FUBP3: variants seen among roughly 807,000 people sequenced by gnomAD.
The protein encoded by FUBP3 is far upstream element-binding protein 3.
In FUBP3, 28 loss-of-function variants were observed where a neutral mutation model predicts 85.6. The ratio of observed to expected loss-of-function variants is 0.33; its 90% CI spans 0.24 to 0.45. The LOEUF (loss-of-function observed/expected upper bound fraction) is 0.45. Among genes scored for constraint, FUBP3 ranks in the 20% least tolerant of loss-of-function variants. The pLI is 1.00. For synonymous variants in FUBP3, 271 were observed against 271.4 expected (o/e 1.00, Z 0.01); for missense variants, 583 against 755.1 (o/e 0.77, Z 2.67).
At chr9:130,629,717 G>A (rs1412515303) in intron 12 of FUBP3, among the ~76,000 whole-genome samples, 5 of 152,174 alleles carry the variant, frequency 3.3e-5, no homozygotes, top group African/African-American at 1.2e-4. Flanking sequence ...CCCGGTCTTT[G>A]CTTTTGATCA....
At chr9:130,620,540 G>C in intron 9 of FUBP3, 82 bp downstream of exon 9, 1 of 639,694 alleles carries the variant, frequency 1.6e-6, no homozygotes. Context: ...CTTTAACCCT[G>C]AGCAAGTTAG....
rs1830449699 is a variant in FUBP3, at chr9:130,637,156, T to A, written c.*134T>A. ...GTTCTGTGAAACACTATATTTAGAT[T>A]AACGGAATTTTTCTAAAAATCAGGA... On this transcript the variant is annotated 3_prime_UTR_variant, in exon 19 of 19. Transcript: ENST00000319725. The A allele has an allele frequency of 1.4e-6, 1 of 712,682 alleles. No individual in the cohort carries two copies. The highest frequency in any genetic ancestry group is 1.6e-5 in the South Asian group (1 of 61,108). The allele number at this position is 712,682 out of a possible 1,614,324, so 44.1% of individuals were successfully genotyped here. A position where few individuals can be genotyped will look rare whatever the true frequency, so the allele number is the denominator to read the frequency against.
chr9:130,584,758 A>G (rs1830274007), intron 1 of FUBP3, among the ~76,000 whole-genome samples: 1 of 151,984 alleles, frequency 6.6e-6, no homozygotes, highest in Non-Finnish European at 1.5e-5. Flanking sequence ...AATCCCAGCT[A>G]CTCTGGAGGC....
At chr9:130,624,665 C>T (rs1829896865) in intron 11 of FUBP3, among the ~76,000 whole-genome samples, 2 of 147,778 alleles carry the variant, frequency 1.4e-5, no homozygotes, top group African/African-American at 5.0e-5. Flanking sequence ...TTAAGCTCAT[C>T]AGCTATCATT....
At chr9:130,629,448 C>T (rs1032791878) in intron 12 of FUBP3, among the ~76,000 whole-genome samples, 1 of 152,264 alleles carries the variant, frequency 6.6e-6, no homozygotes, top group Non-Finnish European at 1.5e-5. Flanking sequence ...GTAAGGGCAG[C>T]CCCTGCTGCC....
chr9:130,631,488 G>T, intron 13 of FUBP3, 69 bp from the exon 14 acceptor site: 1 of 1,459,800 alleles, frequency 6.9e-7, no homozygotes, highest in Non-Finnish European at 9.6e-7. Flanking sequence ...TTTGCCTCGG[G>T]GTGGGCCTGG....
rs1456228434 is a variant in FUBP3, at chr9:130,624,653, T to TGTGTG, written c.975+942_975+943insGTGTG. On this transcript the variant is annotated intron_variant, in intron 11 of 18. Transcript: ENST00000319725. ...TGTGTGTGTGTGTGTGTGTGTGTGT[T>TGTGTG]TTTAAGCTCATCAGCTATCATTAAT... Among the ~76,000 whole-genome samples the TGTGTG allele has an allele frequency of 2.1e-3, 278 of 132,794 alleles. 1 individual carries two copies. The highest frequency in any genetic ancestry group is 7.6e-3 in the African/African-American group (263 of 34,528). The allele number at this position is 132,794 out of a possible 152,430, so 87.1% of individuals were successfully genotyped here.
intron 7 of FUBP3, 119 bp from the exon 8 acceptor site, chr9:130,617,678 T>G: frequency 1.3e-6 from 1 of 756,134 alleles, no homozygotes. Flanking sequence ...TGGAAGGCAG[T>G]CCCTGGTGGT....
intron 2 of FUBP3, among the ~76,000 whole-genome samples, chr9:130,597,299 A>G (rs1830921211): frequency 6.6e-6 from 1 of 152,178 alleles, no homozygotes; most frequent in Admixed American, 6.5e-5. Flanking sequence ...AAAAAGTTCT[A>G]GAGGACTGAA....
chr9:130,587,062 T>G (rs1225695945), intron 1 of FUBP3, among the ~76,000 whole-genome samples: 5 of 129,898 alleles, frequency 3.8e-5, no homozygotes, highest in Admixed American at 3.1e-4. Context: ...TTTGTTTTTT[T>G]TTTTTGTTTG....
Position 130,616,638 on chromosome 9 carries a change from C to A in FUBP3, c.567+121C>A. 1 of 854,554 alleles carries A rather than the reference C, an allele frequency of 1.2e-6. No individual in the cohort carries two copies. Among genetic ancestry groups the A allele is most frequent in the Non-Finnish European group, 1.8e-6 (1 of 545,164 alleles). 52.9% of individuals were successfully genotyped at this position (854,554 alleles called of 1,614,324 possible). A position where few individuals can be genotyped will look rare whatever the true frequency, so the allele number is the denominator to read the frequency against. On this transcript the variant is annotated intron_variant, in intron 7 of 18. Coordinates refer to ENST00000319725, the MANE Select transcript of FUBP3 (RefSeq NM_003934.2). The surrounding 1 kb of genome is among the most constrained non-coding windows in gnomAD (Gnocchi z 4.7). Reference sequence around the variant, plus strand: ...TGGGCTGGCTTTGTGCAGCATTGTGCTGAGGCTTCCTTCCTCCATTTGACA... The same window carrying A: ...TGGGCTGGCTTTGTGCAGCATTGTGATGAGGCTTCCTTCCTCCATTTGACA...
intron 2 of FUBP3, among the ~76,000 whole-genome samples, chr9:130,605,657 A>G (rs764710414): frequency 2.6e-5 from 4 of 152,190 alleles, no homozygotes; most frequent in Non-Finnish European, 5.9e-5. Context: ...TGGTCTTTCC[A>G]CTCACAGAAG....
At chr9:130,609,824 C>A in intron 2 of FUBP3, 130 bp from the exon 3 acceptor site, 1 of 719,272 alleles carries the variant, frequency 1.4e-6, no homozygotes, top group Non-Finnish European at 2.5e-6. Context: ...AGCCACTGAG[C>A]CTAAATTACT....
chr9:130,585,160 AAAAG>A (rs1830287278), intron 1 of FUBP3, among the ~76,000 whole-genome samples: 1 of 152,094 alleles, frequency 6.6e-6, no homozygotes, highest in African/African-American at 2.4e-5. Flanking sequence ...ACTCTGTCTC[AAAAG>A]AAAAAAAAAG....
At chr9:130,610,421 T>C (rs925709346) in intron 3 of FUBP3, among the ~76,000 whole-genome samples, 1 of 152,176 alleles carries the variant, frequency 6.6e-6, no homozygotes, top group Non-Finnish European at 1.5e-5. Context: ...GGGTGGCTAG[T>C]GCGTGGTGAG....
intron 2 of FUBP3, among the ~76,000 whole-genome samples, chr9:130,604,924 T>G (rs2119053706): frequency 6.7e-6 from 1 of 148,472 alleles, no homozygotes; most frequent in Non-Finnish European, 1.5e-5. Flanking sequence ...AAGAAAGAAA[T>G]ACCACTCCCA....
rs1397038274 is a variant in FUBP3 at position 130,616,237 on chromosome 9, C to A, written c.405-118C>A. ...CGGGTTGTGGGGGCAGGAGCTGGAG[C>A]TGGATGGAGGGCTGCCCTGACTCCC... On this transcript the variant is annotated intron_variant, in intron 6 of 18. Transcript: ENST00000319725. The surrounding 1 kb of genome is among the most constrained non-coding windows in gnomAD (Gnocchi z 4.7). 3 of 878,834 alleles carry A rather than the reference C, an allele frequency of 3.4e-6. No individual in the cohort carries two copies. In the African/African-American group the frequency reaches 5.0e-5, roughly 15 times the overall value. The allele number at this position is 878,834 out of a possible 1,614,324, so 54.4% of individuals were successfully genotyped here. A position where few individuals can be genotyped will look rare whatever the true frequency, so the allele number is the denominator to read the frequency against.
chr9:130,631,338 G>T, intron 13 of FUBP3: 1 of 1,410,700 alleles, frequency 7.1e-7, no homozygotes, highest in South Asian at 1.6e-5. Context: ...TTGTGGTGGT[G>T]CCAGGACTGG....
At chr9:130,610,100 G>C in intron 3 of FUBP3, 113 bp downstream of exon 3, 1 of 868,246 alleles carries the variant, frequency 1.2e-6, no homozygotes, top group Non-Finnish European at 1.9e-6. Context: ...AAAAGCATGG[G>C]TTAGGCTTCT....
Sources: allele counts gnomAD v4.1 joint callset (sites outside exome capture counted in the v4.1 genomes callset), GRCh38; gene constraint gnomAD v4.1.1; non-coding constraint Gnocchi (gnomAD v3.1); transcripts MANE v1.5; gene names NCBI Gene and HGNC (gene_info 2026-07-23, HGNC 2026-07-21).